CCDC40: variants seen among roughly 807,000 people sequenced by gnomAD.
CCDC40 encodes the protein coiled-coil domain-containing protein 40.
CCDC40 carries 104 observed loss-of-function variants against 124.5 expected under a neutral mutation model. The observed-to-expected ratio is 0.84, with a 90% CI of 0.71 to 0.98. CCDC40 has a LOEUF of 0.98. Ranked by LOEUF, CCDC40 falls within the 50% of genes least tolerant of loss-of-function variation. The probability of loss-of-function intolerance (pLI) is 0.00; values close to 1 mark genes in which losing one functional copy is unlikely to be tolerated. For missense variants in CCDC40, 1,463 were observed against 1,503.9 expected (o/e 0.97, Z 0.45); for synonymous variants, 580 against 602.9 (o/e 0.96, Z 0.56).
intron 19 of CCDC40, chr17:80,098,904 C>T (rs567125915): frequency 1.8e-3 from 274 of 150,060 alleles, no homozygotes; most frequent in African/African-American, 6.1e-3. Context: ...TCGCTTGAAG[C>T]CGGGAGCCAG....
intron 9 of CCDC40, among the ~76,000 whole-genome samples, chr17:80,061,959 A>G (rs9897503): frequency 0.077 from 11,788 of 152,120 alleles, 1,476 homozygotes; most frequent in African/African-American, 0.27. Context: ...GTTAAAAATG[A>G]TAAAGCCAGG....
chr17:80,052,080 G>A (rs901359468), intron 7 of CCDC40, among the ~76,000 whole-genome samples: 9 of 152,262 alleles, frequency 5.9e-5, no homozygotes, highest in African/African-American at 1.4e-4. Flanking sequence ...AGTCCCTTAG[G>A]TGAGACGTGG....
intron 17 of CCDC40, chr17:80,090,336 TGCACGAACAAGGGACGC>T (rs1567813870): frequency 6.1e-6 from 4 of 651,150 alleles, no homozygotes; most frequent in African/African-American, 2.7e-5. Context: ...CGCAGGCACG[TGCACGAACAAGGGACGC>T]GCGCAGGCAC....
At chr17:80,080,590 C>T (rs989976825) in intron 10 of CCDC40, among the ~76,000 whole-genome samples, 1 of 152,130 alleles carries the variant, frequency 6.6e-6, no homozygotes, top group Non-Finnish European at 1.5e-5. Context: ...CTCTGAGTCT[C>T]AATGGCCACA....
chr17:80,044,900 G>A (rs2037382694), intron 3 of CCDC40, among the ~76,000 whole-genome samples: 1 of 152,098 alleles, frequency 6.6e-6, no homozygotes, highest in African/African-American at 2.4e-5. Flanking sequence ...CAGCCCCTGA[G>A]CGAGCCTTGC....
At chr17:80,094,247 GAA>G (rs56368314) in intron 17 of CCDC40, among the ~76,000 whole-genome samples, 121 of 133,592 alleles carry the variant, frequency 9.1e-4, no homozygotes, top group Non-Finnish European at 1.4e-3. Context: ...TGTCTCTACT[GAA>G]AAAAAAAAAA....
intron 16 of CCDC40, 150 bp downstream of exon 16, chr17:80,088,252 G>T: frequency 1.4e-6 from 1 of 701,004 alleles, no homozygotes; most frequent in Non-Finnish European, 2.6e-6. Context: ...TTTGTTTTTT[G>T]TTTTGTTTTG....
chr17:80,056,000 A>ATTT (rs1285051283), intron 7 of CCDC40, among the ~76,000 whole-genome samples: 348 of 7,502 alleles, frequency 0.046, 30 homozygotes, highest in Non-Finnish European at 0.091. Flanking sequence ...ATATATATAT[A>ATTT]TATATATATA....
rs757579707 is a variant in CCDC40, at chr17:80,066,125, C to T, written c.1562+519C>T. 15 of 702,848 alleles carry T rather than the reference C, an allele frequency of 2.1e-5. No individual in the cohort carries two copies. The South Asian group carries it at 2.2e-4, about 10-fold the overall frequency. 43.5% of individuals were successfully genotyped at this position (702,848 alleles called of 1,614,324 possible). On this transcript the variant is annotated intron_variant, in intron 10 of 19. Transcript: ENST00000397545. This position sits in a 1 kb window ranked among gnomAD's most constrained non-coding sequence, Gnocchi z 4.4. ...TGCTGCCTTCATTCCTAAAACCACC[C>T]AGGGTGACCAGGTCTCGGGACGCGG...
Position 80,061,483 on chromosome 17 carries a change from G to A in CCDC40, c.1440+2503G>A, listed in dbSNP as rs534946644. Among the ~76,000 whole-genome samples the A allele has an allele frequency of 2.2e-4, 34 of 152,344 alleles. No individual in the cohort carries two copies. In the South Asian group the frequency reaches 4.3e-3, roughly 19 times the overall value. On this transcript the variant is annotated intron_variant, in intron 9 of 19. Transcript: ENST00000397545. ...AACTCGCAGCCATTAGTAAATCCGG[G>A]GTTGTGAAGAGAGGCTGAAAGCCAA... is the stretch of plus-strand genomic sequence containing the variant.
chr17:80,049,629 C>T (rs570056496), intron 5 of CCDC40, among the ~76,000 whole-genome samples: 1 of 152,068 alleles, frequency 6.6e-6, no homozygotes, highest in South Asian at 2.1e-4. Flanking sequence ...GGGAGGTTCT[C>T]TCCCCAGACC....
intron 18 of CCDC40, among the ~76,000 whole-genome samples, chr17:80,096,138 G>A (rs1319963833): frequency 2.0e-5 from 3 of 152,226 alleles, no homozygotes; most frequent in African/African-American, 2.4e-5. Context: ...CTGCTGGGGG[G>A]TGGAGGGGCA....
At chr17:80,084,136 A>G (rs2038522942) in intron 12 of CCDC40, among the ~76,000 whole-genome samples, 2 of 152,222 alleles carry the variant, frequency 1.3e-5, no homozygotes, top group South Asian at 4.1e-4. Context: ...ACGATTTAAG[A>G]AGTGTGTTAG....
Position 80,087,228 on chromosome 17 carries a change from C to T in CCDC40, c.2450-379C>T, listed in dbSNP as rs1561812. ...AGGGCAGGGGTCTAAGGGCCTCCCT[C>T]TCCTGGAGACTCACAGTGTCTGAGC... On this transcript the variant is annotated intron_variant, in intron 14 of 19. Coordinates refer to ENST00000397545, the MANE Select transcript of CCDC40 (RefSeq NM_017950.4). This position sits in a 1 kb window ranked among gnomAD's most constrained non-coding sequence, Gnocchi z 4.5. The T allele has an allele frequency of 0.55, 187,250 of 338,474 alleles. 53,575 individuals are homozygous for T. Among genetic ancestry groups the T allele is most frequent in the Middle Eastern group, 0.71 (704 of 990 alleles). 21.0% of individuals were successfully genotyped at this position (338,474 alleles called of 1,614,324 possible).
chr17:80,081,520 T>G, intron 10 of CCDC40, 26 bp from the exon 11 acceptor site: 3 of 1,613,080 alleles, frequency 1.9e-6, no homozygotes, highest in Non-Finnish European at 2.5e-6. Context: ...CACACGTAAC[T>G]GGCTCTCCCC....
intron 9 of CCDC40, among the ~76,000 whole-genome samples, chr17:80,064,684 C>A (rs1259358643): frequency 6.6e-6 from 1 of 151,866 alleles, no homozygotes. Context: ...CAAGCCCCTC[C>A]CCTGCATGGG....
intron 1 of CCDC40, among the ~76,000 whole-genome samples, chr17:80,037,690 G>GATATATATAT (rs757748232): frequency 0.022 from 2,064 of 91,926 alleles, 127 homozygotes; most frequent in East Asian, 0.053. Flanking sequence ...TTTTAAAAAA[G>GATATATATAT]ATATACATAT....
At chr17:80,065,837 C>T (rs1297218242) in intron 10 of CCDC40, among the ~76,000 whole-genome samples, 1 of 152,226 alleles carries the variant, frequency 6.6e-6, no homozygotes, top group East Asian at 1.9e-4. Flanking sequence ...CTTTTCTGCT[C>T]AGATTTCCTG....
intron 9 of CCDC40, among the ~76,000 whole-genome samples, chr17:80,063,537 T>C (rs1289821616): frequency 6.6e-6 from 1 of 152,172 alleles, no homozygotes; most frequent in Non-Finnish European, 1.5e-5. Context: ...TGGCTGAATT[T>C]GGGTCCCCAC....
Sources: gnomAD v4.1 joint callset for allele counts (sites outside exome capture counted in the v4.1 genomes callset) on GRCh38, gnomAD v4.1.1 for gene constraint, Gnocchi (gnomAD v3.1) non-coding constraint, MANE v1.5 for transcripts, NCBI Gene and HGNC (gene_info 2026-07-23, HGNC 2026-07-21) for gene names.